NPAS3: variants seen among roughly 807,000 people sequenced by gnomAD.
The protein encoded by NPAS3 is neuronal PAS domain protein 3.
In NPAS3, 14 loss-of-function variants were observed where a neutral mutation model predicts 73.1. The ratio of observed to expected loss-of-function variants is 0.19; its 90% confidence interval spans 0.13 to 0.30. The LOEUF (loss-of-function observed/expected upper bound fraction) is 0.30. Ranked by LOEUF, NPAS3 falls within the 10% of genes least tolerant of loss-of-function variation. NPAS3 has a pLI of 1.00. For synonymous variants in NPAS3, 620 were observed against 541.5 expected (o/e 1.14, Z -2.01); for missense variants, 1,096 against 1,250.0 (o/e 0.88, Z 1.86).
At chr14:33,597,565 C>T (rs916760277) in intron 5 of NPAS3, among the ~76,000 whole-genome samples, 2 of 152,194 alleles carry the variant, frequency 1.3e-5, no homozygotes, top group African/African-American at 4.8e-5. Context: ...TCCAGATTGC[C>T]ATGTTGATTT....
chr14:33,172,381 A>G (rs1173641611), intron 2 of NPAS3, among the ~76,000 whole-genome samples: 3 of 152,208 alleles, frequency 2.0e-5, no homozygotes, highest in East Asian at 3.8e-4. Flanking sequence ...AACTCTTGAC[A>G]TGTAGCAAAC....
At chr14:33,243,736 C>T (rs243285) in intron 3 of NPAS3, among the ~76,000 whole-genome samples, 71,600 of 151,078 alleles carry the variant, frequency 0.47, 17,341 homozygotes, top group South Asian at 0.62. Flanking sequence ...CATGGCAGTT[C>T]ATGGCAAAAC....
intron 3 of NPAS3, among the ~76,000 whole-genome samples, chr14:33,237,212 G>A (rs1255392668): frequency 1.3e-5 from 2 of 151,968 alleles, no homozygotes; most frequent in African/African-American, 2.4e-5. Context: ...TTGTCTTGAC[G>A]CCACATTCTT....
At chr14:33,182,293 A>G (rs979854254) in intron 2 of NPAS3, among the ~76,000 whole-genome samples, 2 of 152,238 alleles carry the variant, frequency 1.3e-5, no homozygotes, top group Admixed American at 6.5e-5. Context: ...CAACAAACAT[A>G]GTAGTATGAA....
intron 3 of NPAS3, among the ~76,000 whole-genome samples, chr14:33,284,271 T>C (rs2041766412): frequency 6.6e-6 from 1 of 152,156 alleles, no homozygotes; most frequent in South Asian, 2.1e-4. Flanking sequence ...GGCTGTATTT[T>C]GGGGTCATAC....
intron 3 of NPAS3, among the ~76,000 whole-genome samples, chr14:33,282,629 T>G (rs1423475088): frequency 6.6e-6 from 1 of 152,206 alleles, no homozygotes; most frequent in Admixed American, 6.6e-5. Context: ...ATCCATCCAC[T>G]GTGACTGAAA....
intron 4 of NPAS3, among the ~76,000 whole-genome samples, chr14:33,527,680 C>T (rs1356961049): frequency 2.6e-5 from 4 of 152,074 alleles, no homozygotes; most frequent in Admixed American, 2.0e-4. Flanking sequence ...GAATGGATCC[C>T]GCAGAAATCT....
chr14:33,127,997 A>G (rs755765504), intron 2 of NPAS3, among the ~76,000 whole-genome samples: 43 of 152,142 alleles, frequency 2.8e-4, no homozygotes, highest in Non-Finnish European at 5.9e-4. Context: ...AGTAATTATG[A>G]TGGGATTCTA....
intron 2 of NPAS3, among the ~76,000 whole-genome samples, chr14:33,171,298 A>G (rs749626886): frequency 1.3e-5 from 2 of 152,206 alleles, no homozygotes; most frequent in South Asian, 2.1e-4. Flanking sequence ...TCGTCGTTCC[A>G]TTCCTTGAGC....
chr14:33,551,889 A>G (rs1220283587), intron 4 of NPAS3, among the ~76,000 whole-genome samples: 2 of 152,220 alleles, frequency 1.3e-5, no homozygotes, highest in Non-Finnish European at 2.9e-5. Flanking sequence ...CCAACCTGCA[A>G]GAGGTCTGGA....
chr14:32,975,029 A>G (rs983707359), intron 1 of NPAS3, among the ~76,000 whole-genome samples: 1 of 152,190 alleles, frequency 6.6e-6, no homozygotes, highest in Non-Finnish European at 1.5e-5. Context: ...AGATTTGTCT[A>G]TATTAGTGGA....
intron 2 of NPAS3, among the ~76,000 whole-genome samples, chr14:33,137,692 T>A (rs1267074955): frequency 6.6e-6 from 1 of 152,190 alleles, no homozygotes; most frequent in Non-Finnish European, 1.5e-5. Context: ...ATATTTATAA[T>A]ACTGTCAGTA....
At chr14:33,396,280 C>T (rs2047219299) in intron 4 of NPAS3, among the ~76,000 whole-genome samples, 1 of 152,162 alleles carries the variant, frequency 6.6e-6, no homozygotes, top group African/African-American at 2.4e-5. Context: ...GATTTTGATG[C>T]AAAATTCTTC....
chr14:33,492,186 C>T (rs2051931938), intron 4 of NPAS3, among the ~76,000 whole-genome samples: 1 of 152,148 alleles, frequency 6.6e-6, no homozygotes. Context: ...AAGACTTACG[C>T]TCACATATCG....
intron 1 of NPAS3, among the ~76,000 whole-genome samples, chr14:33,030,210 G>A (rs1245660030): frequency 2.0e-5 from 3 of 152,214 alleles, no homozygotes; most frequent in South Asian, 2.1e-4. Context: ...GAGCACAATC[G>A]CGCTTGGTGG....
chr14:33,402,817 C>G (rs951508892), intron 4 of NPAS3, among the ~76,000 whole-genome samples: 4 of 152,150 alleles, frequency 2.6e-5, no homozygotes, highest in Non-Finnish European at 5.9e-5. Flanking sequence ...CCCAGAGCCC[C>G]TTGAGTCTAT....
chr14:33,240,631 G>A (rs1407946536), intron 3 of NPAS3, among the ~76,000 whole-genome samples: 2 of 151,754 alleles, frequency 1.3e-5, no homozygotes, highest in African/African-American at 4.8e-5. Flanking sequence ...AGGAACATTT[G>A]TTGTTTCCCA....
chr14:33,238,955 C>A (rs1181191273), intron 3 of NPAS3, among the ~76,000 whole-genome samples: 1 of 151,916 alleles, frequency 6.6e-6, no homozygotes, highest in African/African-American at 2.4e-5. Context: ...AGAGTTAAAA[C>A]AAATCACTGC....
intron 9 of NPAS3, among the ~76,000 whole-genome samples, chr14:33,784,716 G>A (rs1309376506): frequency 1.1e-5 from 1 of 91,102 alleles, no homozygotes; most frequent in Non-Finnish European, 2.5e-5. Context: ...ATTTTTTATT[G>A]TTATTTTTAT....
Sources: allele counts gnomAD v4.1 joint callset (sites outside exome capture counted in the v4.1 genomes callset), GRCh38; gene constraint gnomAD v4.1.1; transcripts MANE v1.5; gene names NCBI Gene and HGNC (gene_info 2026-07-23, HGNC 2026-07-21).